The following PWWP3B variants were observed in gnomAD, a reference collection of about 807,000 sequenced individuals.
The protein encoded by PWWP3B is PWWP domain-containing DNA repair factor 3B.
Under a neutral mutation model 15.7 loss-of-function variants are expected in PWWP3B, and 5 were observed. The observed-to-expected ratio is 0.32, with a 90% CI of 0.17 to 0.67. The LOEUF is 0.67. Ranked by LOEUF, PWWP3B falls within the 30% of genes least tolerant of loss-of-function variation. The probability of loss-of-function intolerance (pLI) is 0.74; values close to 1 mark genes in which losing one functional copy is unlikely to be tolerated. For missense variants in PWWP3B, 519 were observed against 493.1 expected (o/e 1.05, Z -0.50); for synonymous variants, 203 against 179.8 (o/e 1.13, Z -1.03).
In PWWP3B at chrX:106,191,992, C is replaced by A. The variant is rs147743502; in HGVS notation, c.-400-11993C>A. On this transcript the variant is annotated intron_variant, in intron 2 of 3. Transcript: ENST00000357175. ...ATCAATGTTCATCAAGGATATTGGT[C>A]TAAAATTGTCTTTTTTGGTTGTGTC... Among the ~76,000 whole-genome samples, 1,011 of 111,573 alleles carry A rather than the reference C, an allele frequency of 9.1e-3. 16 individuals carry two copies. The highest frequency in any genetic ancestry group is 0.031 in the African/African-American group (958 of 30,686).
At chrX:106,169,037 A>G (rs937456034) in intron 1 of PWWP3B, among the ~76,000 whole-genome samples, 2 of 112,036 alleles carry the variant, frequency 1.8e-5, no homozygotes, top group Non-Finnish European at 3.8e-5. Flanking sequence ...GATCATAACA[A>G]TAACAGACGT....
chrX:106,175,040 CA>C (rs61441273), intron 2 of PWWP3B, among the ~76,000 whole-genome samples: 4,338 of 43,461 alleles, frequency 0.1, 292 homozygotes, highest in African/African-American at 0.29. Flanking sequence ...GACTCTGTCT[CA>C]AAAAAAAAAA....
chrX:106,185,732 A>G (rs1922469047), intron 2 of PWWP3B, among the ~76,000 whole-genome samples: 1 of 112,206 alleles, frequency 8.9e-6, no homozygotes, highest in African/African-American at 3.2e-5. Flanking sequence ...TAAAGATGGT[A>G]TGCCCCAAAA....
intron 2 of PWWP3B, among the ~76,000 whole-genome samples, chrX:106,195,808 G>T (rs1028770031): frequency 9.0e-6 from 1 of 111,671 alleles, no homozygotes; most frequent in Non-Finnish European, 1.9e-5. Context: ...TTTGGAATTA[G>T]CTTCTCAATT....
chrX:106,205,110 C>T lies in PWWP3B; in HGVS notation c.-214-109C>T, dbSNP rs1602873849. On this transcript the variant is annotated intron_variant, in intron 3 of 3. Coordinates refer to ENST00000357175, the MANE Select transcript of PWWP3B (RefSeq NM_001171020.2). ...GCTGCCTCCTCTGTCTCATGCCCCA[C>T]TGCACATTGTTCTTTTATCCCTTCT... 7.2e-5 allele frequency: 13 copies of T among 180,583 alleles called. No homozygotes were observed. The East Asian group carries it at 1.4e-3, about 20-fold the overall frequency. The allele number at this position is 180,583 out of a possible 1,213,427, so 14.9% of individuals were successfully genotyped here. A position where few individuals can be genotyped will look rare whatever the true frequency, so the allele number is the denominator to read the frequency against.
At position 106,207,637 on chromosome X, in the gene PWWP3B, G is replaced by A. The variant is rs1924123225; in HGVS notation, c.*114G>A. On this transcript the variant is annotated 3_prime_UTR_variant, in exon 4 of 4. Transcript: ENST00000357175. ...CTGCAAATGGGAGCATGGATAATGTGTTCACTTTTTTTTGAGATCTCTAGG... is the reference window on the plus strand; with the variant it reads ...CTGCAAATGGGAGCATGGATAATGTATTCACTTTTTTTTGAGATCTCTAGG... 3 of 734,702 alleles carry A rather than the reference G, an allele frequency of 4.1e-6. No homozygotes were observed. The highest frequency in any genetic ancestry group is 5.6e-6 in the Non-Finnish European group (3 of 535,923). 60.5% of individuals were successfully genotyped at this position (734,702 alleles called of 1,213,427 possible). A position where few individuals can be genotyped will look rare whatever the true frequency, so the allele number is the denominator to read the frequency against.
chrX:106,176,002 C>G (rs1921881366), intron 2 of PWWP3B, among the ~76,000 whole-genome samples: 1 of 111,329 alleles, frequency 9.0e-6, no homozygotes, highest in African/African-American at 3.3e-5. Context: ...AGATGGAAGC[C>G]AAAATGTCAA....
At chrX:106,204,423 T>C (rs1172852093) in intron 3 of PWWP3B, among the ~76,000 whole-genome samples, 1 of 112,204 alleles carries the variant, frequency 8.9e-6, no homozygotes, top group Non-Finnish European at 1.9e-5. Flanking sequence ...TAAACGATTA[T>C]AAAGAAATCA....
chrX:106,179,957 ACT>A (rs1242386288), intron 2 of PWWP3B, among the ~76,000 whole-genome samples: 1 of 111,262 alleles, frequency 9.0e-6, no homozygotes, highest in Non-Finnish European at 1.9e-5. Flanking sequence ...CATCTGCCTG[ACT>A]CTCACGAAAC....
At chrX:106,182,720 G>A (rs1294754660) in intron 2 of PWWP3B, among the ~76,000 whole-genome samples, 1 of 109,488 alleles carries the variant, frequency 9.1e-6, no homozygotes, top group African/African-American at 3.3e-5. Context: ...ACTAGTGGTG[G>A]GGGCACTGCT....
rs1317026623 is a variant in PWWP3B at position 106,170,703 on chromosome X, A to G, written c.-528-309A>G. Reference sequence around the variant, plus strand: ...CCACCAATAACTGACATGAAGACTCACACAGAAATCATAAAAAATGCTGCT... The same window carrying G: ...CCACCAATAACTGACATGAAGACTCGCACAGAAATCATAAAAAATGCTGCT... On this transcript the variant is annotated intron_variant, in intron 1 of 3. Coordinates refer to ENST00000357175, the MANE Select transcript of PWWP3B (RefSeq NM_001171020.2). 5.0e-4 allele frequency among the ~76,000 whole-genome samples: 56 copies of G among 112,151 alleles called. 4 individuals carry two copies. The highest frequency in any genetic ancestry group is 1.9e-5 in the Non-Finnish European group (1 of 53,298).
intron 2 of PWWP3B, among the ~76,000 whole-genome samples, chrX:106,193,189 T>C (rs1923118560): frequency 9.0e-6 from 1 of 111,335 alleles, no homozygotes; most frequent in African/African-American, 3.3e-5. Context: ...TCTTCGTAGG[T>C]CACTAAGGAC....
chrX:106,192,673 G>C (rs1392645512), intron 2 of PWWP3B, among the ~76,000 whole-genome samples: 2 of 110,507 alleles, frequency 1.8e-5, no homozygotes, highest in East Asian at 5.7e-4. Context: ...TCTCTTGTGG[G>C]CATTTAGTGC....
At chrX:106,195,207 T>G (rs1002081647) in intron 2 of PWWP3B, among the ~76,000 whole-genome samples, 2 of 112,175 alleles carry the variant, frequency 1.8e-5, no homozygotes, top group Admixed American at 1.9e-4. Flanking sequence ...TTTATTTGGT[T>G]ATTCAATAAT....
At chrX:106,175,694 A>C (rs1410347073) in intron 2 of PWWP3B, among the ~76,000 whole-genome samples, 1 of 110,958 alleles carries the variant, frequency 9.0e-6, no homozygotes, top group East Asian at 2.8e-4. Flanking sequence ...TTTGGCTCCG[A>C]TTTTGTCTCA....
At chrX:106,201,346 T>C (rs1447059513) in intron 2 of PWWP3B, among the ~76,000 whole-genome samples, 1 of 112,410 alleles carries the variant, frequency 8.9e-6, no homozygotes, top group Non-Finnish European at 1.9e-5. Flanking sequence ...TCAATATCCT[T>C]AGCGGTCTAT....
chrX:106,189,957 G>A (rs1922811212), intron 2 of PWWP3B, among the ~76,000 whole-genome samples: 1 of 112,580 alleles, frequency 8.9e-6, no homozygotes, highest in Non-Finnish European at 1.9e-5. Flanking sequence ...TGGACATTTA[G>A]GTTGGTTCCA....
chrX:106,175,673 T>C (rs918266107), intron 2 of PWWP3B, among the ~76,000 whole-genome samples: 1 of 111,466 alleles, frequency 9.0e-6, no homozygotes, highest in African/African-American at 3.3e-5. Context: ...CCTCCTGTTT[T>C]GGAGTCAGAC....
At chrX:106,189,781 C>A (rs1405698755) in intron 2 of PWWP3B, among the ~76,000 whole-genome samples, 1 of 109,466 alleles carries the variant, frequency 9.1e-6, no homozygotes, top group Non-Finnish European at 1.9e-5. Flanking sequence ...CCACGCCCGG[C>A]TAATTTTTTG....
Sources: allele counts gnomAD v4.1 joint callset (sites outside exome capture counted in the v4.1 genomes callset), GRCh38; gene constraint gnomAD v4.1.1; transcripts MANE v1.5; gene names NCBI Gene and HGNC (gene_info 2026-07-23, HGNC 2026-07-21).